RYR2: variants seen among roughly 807,000 people sequenced by gnomAD.
The protein encoded by RYR2 is cardiac muscle ryanodine receptor-calcium release channel.
Under a neutral mutation model 601.1 loss-of-function variants are expected in RYR2, and 227 were observed. The ratio of observed to expected loss-of-function variants is 0.38; its 90% CI spans 0.34 to 0.42. RYR2 has a LOEUF of 0.42. RYR2 is among the 10% of genes least tolerant of loss of function. The pLI is 1.00. For synonymous variants in RYR2, 2,223 were observed against 2,175.1 expected (o/e 1.02, Z -0.61); for missense variants, 4,646 against 6,156.5 (o/e 0.75, Z 8.21).
At position 237,382,538 on chromosome 1, in the gene RYR2, C is replaced by A. The variant is rs888052166; in HGVS notation, c.577-4743C>A. Among the ~76,000 whole-genome samples, 7 of 133,748 alleles carry A rather than the reference C, an allele frequency of 5.2e-5. No homozygotes were observed. The East Asian group carries it at 1.8e-3, about 34-fold the overall frequency. The allele number at this position is 133,748 out of a possible 152,430, so 87.7% of individuals were successfully genotyped here. ...TTATCCCTCCCCCCTCCCCCCACCC[C>A]ACAACAGGCCCCGGTGTGTGATGTT... On this transcript the variant is annotated intron_variant, in intron 8 of 104. Transcript: ENST00000366574.
At chr1:237,087,020 A>C (rs1666413922) in intron 1 of RYR2, among the ~76,000 whole-genome samples, 2 of 152,162 alleles carry the variant, frequency 1.3e-5, no homozygotes, top group Admixed American at 1.3e-4. Context: ...TTCAGGCTGC[A>C]TAGAATATTT....
chr1:237,563,337 G>A (rs1039817282), intron 27 of RYR2, among the ~76,000 whole-genome samples: 2 of 151,324 alleles, frequency 1.3e-5, no homozygotes, highest in Non-Finnish European at 2.9e-5. Flanking sequence ...CTTGAACCCA[G>A]GAGGCGGAAG....
chr1:237,516,425 C>T (rs750074627), intron 24 of RYR2, among the ~76,000 whole-genome samples: 1 of 152,076 alleles, frequency 6.6e-6, no homozygotes, highest in Admixed American at 6.6e-5. Context: ...GGCCAATCTT[C>T]CCAAGTTCTA....
intron 98 of RYR2, among the ~76,000 whole-genome samples, chr1:237,805,745 G>T (rs1189165339): frequency 6.6e-6 from 1 of 151,862 alleles, no homozygotes; most frequent in Non-Finnish European, 1.5e-5. Flanking sequence ...TCAGATCAGG[G>T]TAATTAGTAT....
chr1:237,415,834 A>G (rs961504596), intron 10 of RYR2, among the ~76,000 whole-genome samples: 3 of 152,212 alleles, frequency 2.0e-5, no homozygotes, highest in African/African-American at 7.2e-5. Flanking sequence ...CACAGACTAG[A>G]TATTTCATAA....
At chr1:237,497,062 C>A (rs3753619) in intron 20 of RYR2, among the ~76,000 whole-genome samples, 1 of 152,164 alleles carries the variant, frequency 6.6e-6, no homozygotes, top group Admixed American at 6.5e-5. Context: ...GAGTGCATTC[C>A]GAAGCATGAA....
At chr1:237,491,381 C>T (rs1663319807) in intron 17 of RYR2, among the ~76,000 whole-genome samples, 1 of 152,154 alleles carries the variant, frequency 6.6e-6, no homozygotes, top group African/African-American at 2.4e-5. Flanking sequence ...CACCTGTCCC[C>T]TCCCCCACTC....
At chr1:237,186,179 G>T (rs557945978) in intron 1 of RYR2, among the ~76,000 whole-genome samples, 1 of 152,286 alleles carries the variant, frequency 6.6e-6, no homozygotes, top group East Asian at 1.9e-4. Flanking sequence ...CTGTGAATTA[G>T]AAAAATGTTT....
intron 1 of RYR2, among the ~76,000 whole-genome samples, chr1:237,069,144 A>G (rs1263588459): frequency 6.6e-6 from 1 of 152,168 alleles, no homozygotes; most frequent in African/African-American, 2.4e-5. Context: ...GTGCTGGTGA[A>G]TGAATTTTCT....
chr1:237,364,385 AAT>A lies in RYR2; in HGVS notation c.309+20_309+21del. On this transcript the variant is annotated intron_variant, in intron 5 of 104. Coordinates refer to ENST00000366574, the MANE Select transcript of RYR2 (RefSeq NM_001035.3). ...ATTCATGATGAAGGTAAGACATCTT[AAT>A]ATATATGCTATGTATATATATAGCA... The A allele has an allele frequency of 1.3e-6, 2 of 1,488,438 alleles. No homozygotes were observed. Among genetic ancestry groups the A allele is most frequent in the Non-Finnish European group, 1.8e-6 (2 of 1,081,964 alleles). 92.2% of individuals were successfully genotyped at this position (1,488,438 alleles called of 1,614,324 possible).
At chr1:237,758,907 T>C (rs1693178243) in intron 82 of RYR2, among the ~76,000 whole-genome samples, 1 of 152,328 alleles carries the variant, frequency 6.6e-6, no homozygotes, top group East Asian at 1.9e-4. Context: ...TTTACATGTA[T>C]GTTTAACCAA....
At chr1:237,174,014 G>GGCA (rs1677728467) in intron 1 of RYR2, among the ~76,000 whole-genome samples, 1 of 152,032 alleles carries the variant, frequency 6.6e-6, no homozygotes, top group African/African-American at 2.4e-5. Flanking sequence ...CCGAGATCTT[G>GGCA]CCACTGCACT....
intron 3 of RYR2, among the ~76,000 whole-genome samples, chr1:237,331,995 T>C (rs989156935): frequency 1.3e-5 from 2 of 152,204 alleles, no homozygotes; most frequent in East Asian, 1.9e-4. Flanking sequence ...CCAGGTTTTT[T>C]AATTTTTATT....
At chr1:237,242,428 A>T (rs150223312) in intron 1 of RYR2, among the ~76,000 whole-genome samples, 161 of 152,224 alleles carry the variant, frequency 1.1e-3, no homozygotes, top group African/African-American at 3.5e-3. Context: ...CTAGACCAGG[A>T]CAATTTTAGG....
At chr1:237,638,583 G>A (rs1252545291) in intron 45 of RYR2, 91 bp downstream of exon 45, 2 of 1,346,452 alleles carry the variant, frequency 1.5e-6, no homozygotes, top group African/African-American at 1.5e-5. Flanking sequence ...CATGAAGGAA[G>A]TATTAGTAAA....
At chr1:237,746,087 T>A (rs148066317) in intron 80 of RYR2, among the ~76,000 whole-genome samples, 1 of 152,280 alleles carries the variant, frequency 6.6e-6, no homozygotes, top group East Asian at 1.9e-4. Flanking sequence ...TTCTCTGAGG[T>A]TGACTATGTG....
At chr1:237,702,344 C>T (rs1277494012) in intron 66 of RYR2, among the ~76,000 whole-genome samples, 1 of 152,108 alleles carries the variant, frequency 6.6e-6, no homozygotes, top group African/African-American at 2.4e-5. Context: ...CTGCTAGTAT[C>T]GTTTCTCATT....
At chr1:237,204,057 C>T (rs1261822332) in intron 1 of RYR2, among the ~76,000 whole-genome samples, 1 of 152,230 alleles carries the variant, frequency 6.6e-6, no homozygotes, top group Non-Finnish European at 1.5e-5. Context: ...GTTGCCCAGG[C>T]TGGAGTACAG....
At chr1:237,361,155 A>G (rs933634198) in intron 4 of RYR2, among the ~76,000 whole-genome samples, 4 of 152,200 alleles carry the variant, frequency 2.6e-5, no homozygotes, top group Non-Finnish European at 5.9e-5. Flanking sequence ...TATTTTCATC[A>G]TAAGAGCGAT....
Sources: gnomAD v4.1 joint callset for allele counts (sites outside exome capture counted in the v4.1 genomes callset) on GRCh38, gnomAD v4.1.1 for gene constraint, MANE v1.5 for transcripts, NCBI Gene and HGNC (gene_info 2026-07-23, HGNC 2026-07-21) for gene names.